Variants in SPECC1L observed in about 807,000 individuals in gnomAD.
SPECC1L encodes the protein sperm antigen with calponin homology and coiled-coil domains 1 like.
A neutral mutation model predicts 116.8 loss-of-function variants in SPECC1L; 40 were observed. The ratio of observed to expected loss-of-function variants is 0.34; its 90% CI spans 0.27 to 0.45. SPECC1L has a LOEUF of 0.45. SPECC1L is among the 20% of genes least tolerant of loss of function. SPECC1L has a pLI of 1.00. For synonymous variants in SPECC1L, 504 were observed against 500.6 expected (o/e 1.01, Z -0.09); for missense variants, 1,110 against 1,373.6 (o/e 0.81, Z 3.03).
intron 11 of SPECC1L, among the ~76,000 whole-genome samples, chr22:24,349,434 G>T (rs892403291): frequency 1.3e-5 from 2 of 152,162 alleles, no homozygotes; most frequent in African/African-American, 4.8e-5. Context: ...CTTTGTTATT[G>T]TATCCTGTCT....
chr22:24,399,315 A>T (rs1304221718), intron 14 of SPECC1L, among the ~76,000 whole-genome samples: 1 of 152,256 alleles, frequency 6.6e-6, no homozygotes, highest in Non-Finnish European at 1.5e-5. Context: ...TCACGCCTGT[A>T]ATCCCAGCAC....
intron 14 of SPECC1L, among the ~76,000 whole-genome samples, chr22:24,394,872 C>A (rs189568945): frequency 6.6e-6 from 1 of 152,216 alleles, no homozygotes; most frequent in African/African-American, 2.4e-5. Context: ...ACTCTGTCAC[C>A]CAGGCTGGAG....
chr22:24,372,187 G>A (rs1037223964), intron 14 of SPECC1L, among the ~76,000 whole-genome samples: 3 of 152,100 alleles, frequency 2.0e-5, no homozygotes, highest in Non-Finnish European at 2.9e-5. Context: ...ATTCACGGCC[G>A]AATTCTACCA....
chr22:24,316,321 C>T (rs914750896), intron 4 of SPECC1L, among the ~76,000 whole-genome samples: 3 of 147,530 alleles, frequency 2.0e-5, no homozygotes, highest in Non-Finnish European at 4.5e-5. Context: ...GGGTGTTTCT[C>T]GCAGAGGGGG....
chr22:24,342,056 T>C (rs1221536859), intron 10 of SPECC1L, among the ~76,000 whole-genome samples: 1 of 152,252 alleles, frequency 6.6e-6, no homozygotes, highest in Non-Finnish European at 1.5e-5. Context: ...TGGATTGTTT[T>C]AAGCCACTAA....
At chr22:24,348,571 T>C (rs918289784) in intron 11 of SPECC1L, among the ~76,000 whole-genome samples, 1 of 152,330 alleles carries the variant, frequency 6.6e-6, no homozygotes, top group East Asian at 1.9e-4. Flanking sequence ...TCACCTAAGC[T>C]CTTTTCTCCC....
chr22:24,276,654 T>A (rs1237839778), intron 1 of SPECC1L, 46 bp from the exon 2 acceptor site: 2 of 362,226 alleles, frequency 5.5e-6, no homozygotes, highest in Non-Finnish European at 5.4e-6. Flanking sequence ...AAAAGAAATA[T>A]CTGCTAAAAT....
At chr22:24,390,077 C>T (rs2042235518) in intron 14 of SPECC1L, among the ~76,000 whole-genome samples, 2 of 151,926 alleles carry the variant, frequency 1.3e-5, no homozygotes, top group Admixed American at 1.3e-4. Context: ...CCCTCTTTCC[C>T]TTATGTGTCC....
intron 8 of SPECC1L, among the ~76,000 whole-genome samples, chr22:24,332,383 G>A (rs530024194): frequency 2.6e-5 from 4 of 152,320 alleles, no homozygotes; most frequent in African/African-American, 4.8e-5. Flanking sequence ...CAGCCAGTCT[G>A]TGATGTTAAA....
intron 15 of SPECC1L, among the ~76,000 whole-genome samples, chr22:24,411,969 T>G (rs971858651): frequency 6.6e-6 from 1 of 152,160 alleles, no homozygotes; most frequent in Non-Finnish European, 1.5e-5. Context: ...TGACTACATT[T>G]AGGATGAAGA....
intron 2 of SPECC1L, among the ~76,000 whole-genome samples, chr22:24,278,068 G>T (rs2048871336): frequency 6.6e-6 from 1 of 152,142 alleles, no homozygotes; most frequent in Non-Finnish European, 1.5e-5. Context: ...TAAAAAGTGG[G>T]ATTAGGCTGG....
chr22:24,272,532 G>T (rs1197034395), intron 1 of SPECC1L, among the ~76,000 whole-genome samples: 2 of 152,070 alleles, frequency 1.3e-5, no homozygotes, highest in East Asian at 1.9e-4. Context: ...AATTAGTCGG[G>T]CGTGGTGGCA....
At chr22:24,312,698 T>C (rs951376455) in intron 3 of SPECC1L, among the ~76,000 whole-genome samples, 1 of 152,312 alleles carries the variant, frequency 6.6e-6, no homozygotes, top group Non-Finnish European at 1.5e-5. Flanking sequence ...CTTTATAAAA[T>C]ATAAATATTG....
chr22:24,323,695 T>A (rs551428834), intron 5 of SPECC1L, among the ~76,000 whole-genome samples: 1 of 152,368 alleles, frequency 6.6e-6, no homozygotes, highest in African/African-American at 2.4e-5. Flanking sequence ...ATTTGAGTAA[T>A]TTAGATTTTA....
chr22:24,337,616 A>G (rs2041086940), intron 9 of SPECC1L, among the ~76,000 whole-genome samples: 1 of 152,256 alleles, frequency 6.6e-6, no homozygotes, highest in South Asian at 2.1e-4. Flanking sequence ...ACATCTAAAG[A>G]TATCAATTCT....
At chr22:24,401,422 A>T (rs527676478) in intron 14 of SPECC1L, among the ~76,000 whole-genome samples, 1 of 152,344 alleles carries the variant, frequency 6.6e-6, no homozygotes, top group South Asian at 2.1e-4. Context: ...GTCCATTCGC[A>T]GCAGGACTGG....
intron 3 of SPECC1L, among the ~76,000 whole-genome samples, chr22:24,310,356 G>T (rs767076418): frequency 3.9e-5 from 6 of 152,218 alleles, no homozygotes; most frequent in Non-Finnish European, 7.3e-5. Flanking sequence ...TATTGGAGGT[G>T]TATCTTCAGG....
intron 16 of SPECC1L, 122 bp from the exon 17 acceptor site, chr22:24,414,412 A>G (rs899811101): frequency 8.8e-6 from 7 of 798,728 alleles, no homozygotes; most frequent in African/African-American, 3.4e-5. Context: ...ATGTGTAATT[A>G]GGCCTAGAAA....
At chr22:24,294,430 G>A (rs1342164815) in intron 2 of SPECC1L, among the ~76,000 whole-genome samples, 1 of 148,766 alleles carries the variant, frequency 6.7e-6, no homozygotes, top group East Asian at 1.9e-4. Flanking sequence ...TGCCCAGGCT[G>A]GAGTGCAGCG....
Sources: allele counts gnomAD v4.1 joint callset (sites outside exome capture counted in the v4.1 genomes callset), GRCh38; gene constraint gnomAD v4.1.1; transcripts MANE v1.5; gene names NCBI Gene and HGNC (gene_info 2026-07-23, HGNC 2026-07-21).